The following WWP2 variants were observed in gnomAD, a reference collection of about 807,000 sequenced individuals.
The protein encoded by WWP2 is WW domain containing E3 ubiquitin protein ligase 2, also known as NEDD4-like E3 ubiquitin-protein ligase WWP2.
A neutral mutation model predicts 121.0 loss-of-function variants in WWP2; 57 were observed. That is an observed-to-expected ratio of 0.47 (90% CI 0.38 to 0.59). The LOEUF (loss-of-function observed/expected upper bound fraction) is 0.59, where lower values mean the gene tolerates loss of function less well. WWP2 is among the 20% of genes least tolerant of loss of function. The pLI is 0.00. For synonymous variants in WWP2, 449 were observed against 441.3 expected, an observed-to-expected ratio of 1.02 and a Z score of -0.22; for missense variants, 962 against 1,158.9, an observed-to-expected ratio of 0.83 and a Z score of 2.47.
At chr16:69,831,289 A>G (rs148704213) in intron 4 of WWP2, among the ~76,000 whole-genome samples, 252 of 152,326 alleles carry the variant, frequency 1.7e-3, no homozygotes, top group Admixed American at 4.6e-3. Context: ...TGACATGCAC[A>G]TACATTTCGG....
intron 1 of WWP2, among the ~76,000 whole-genome samples, chr16:69,767,031 G>GTT (rs201733788): frequency 4.7e-5 from 7 of 150,092 alleles, no homozygotes; most frequent in African/African-American, 1.5e-4. Context: ...TGGAATAGGG[G>GTT]TTTTGTTTTT....
intron 6 of WWP2, among the ~76,000 whole-genome samples, chr16:69,850,608 C>G (rs1019272229): frequency 6.6e-6 from 1 of 152,010 alleles, no homozygotes; most frequent in Non-Finnish European, 1.5e-5. Flanking sequence ...TTTGCCAGAC[C>G]GACGAAGTGG....
chr16:69,806,004 C>T lies in WWP2; in HGVS notation c.340+6709C>T, dbSNP rs2056267187. On this transcript the variant is annotated intron_variant, in intron 4 of 23. Transcript: ENST00000359154. ...TTGAGGCCAGTAGTTTGAGACCAGA[C>T]AGGGAAACATAGCAAGACCCTGTCT... Among the ~76,000 whole-genome samples the T allele has an allele frequency of 2.6e-5, 4 of 151,716 alleles. No homozygotes were observed. The South Asian group carries it at 8.4e-4, about 32-fold the overall frequency.
intron 6 of WWP2, among the ~76,000 whole-genome samples, chr16:69,867,135 C>G (rs530411742): frequency 1.1e-3 from 162 of 147,150 alleles, no homozygotes; most frequent in African/African-American, 3.8e-3. Flanking sequence ...TACACCTGGC[C>G]AAGGCTTTTT....
chr16:69,917,853 G>C lies in WWP2; in HGVS notation c.1149G>C (p.Met383Ile), dbSNP rs1157206656. The C allele has an allele frequency of 9.3e-6, 15 of 1,612,750 alleles. No homozygotes were observed. Among genetic ancestry groups the C allele is most frequent in the Non-Finnish European group, 1.3e-5 (15 of 1,178,758 alleles). The change falls in exon 10 of 24, where the codon ATG becomes ATC. Residue 383 changes from methionine (M) to isoleucine (I), a missense_variant. Met to Ile is a conservative substitution (Grantham distance 10). Coordinates refer to ENST00000359154, the MANE Select transcript of WWP2 (RefSeq NM_001270454.2). ...QSQRNQLQGA[M>I]QHFSQRFLYQ... is the part of the protein sequence containing the mutation. ...AGCGGAATCAGCTCCAGGGGGCCAT[G>C]CAGCACTTCAGCCAAAGATTCCTCT...
chr16:69,783,048 T>TC (rs1384116941), intron 1 of WWP2: 2 of 142,120 alleles, frequency 1.4e-5, no homozygotes, highest in African/African-American at 5.3e-5. Flanking sequence ...TCTCACTCTC[T>TC]CCCCCAGGCT....
chr16:69,931,413 T>A, intron 14 of WWP2, 96 bp from the exon 15 acceptor site: 1 of 1,553,512 alleles, frequency 6.4e-7, no homozygotes, highest in Non-Finnish European at 8.8e-7. Flanking sequence ...TATTGCCTCC[T>A]GGCCCAGCAG....
chr16:69,827,750 G>A (rs916009312), intron 4 of WWP2: 3 of 381,586 alleles, frequency 7.9e-6, no homozygotes, highest in African/African-American at 6.3e-5. Flanking sequence ...GCCAGGCAGG[G>A]CCTGGGCAGG....
At chr16:69,912,369 TCACACACACACACACACA>T (rs3051446) in intron 9 of WWP2, among the ~76,000 whole-genome samples, 4 of 140,192 alleles carry the variant, frequency 2.9e-5, no homozygotes, top group African/African-American at 8.0e-5. Flanking sequence ...GGAGTTAGAT[TCACACACACACACACACA>T]CACACACACA....
At chr16:69,826,267 CAA>C (rs71151139) in intron 4 of WWP2, among the ~76,000 whole-genome samples, 170 of 133,356 alleles carry the variant, frequency 1.3e-3, no homozygotes, top group Non-Finnish European at 1.3e-3. Flanking sequence ...AACTCCGTCT[CAA>C]AAAAAAAAAA....
chr16:69,913,249 T>C lies in WWP2; in HGVS notation c.1004+4399T>C, dbSNP rs537237134. ...GGTTTCACCATGTTGGCCAGGCTGG[T>C]CTCGAACTCCTGACATCAGGTGAGC... On this transcript the variant is annotated intron_variant, in intron 9 of 23. Coordinates refer to ENST00000359154, the MANE Select transcript of WWP2 (RefSeq NM_001270454.2). 3.8e-4 allele frequency among the ~76,000 whole-genome samples: 57 copies of C among 150,592 alleles called. 1 individual carries two copies. In the East Asian group the frequency reaches 0.01, roughly 26 times the overall value.
At chr16:69,912,059 G>A (rs1162246540) in intron 9 of WWP2, among the ~76,000 whole-genome samples, 1 of 152,114 alleles carries the variant, frequency 6.6e-6, no homozygotes, top group Non-Finnish European at 1.5e-5. Context: ...GGAGGCCGAG[G>A]CAGGTGGATC....
At chr16:69,821,107 A>G (rs957323985) in intron 4 of WWP2, among the ~76,000 whole-genome samples, 5 of 152,206 alleles carry the variant, frequency 3.3e-5, no homozygotes, top group Admixed American at 2.6e-4. Flanking sequence ...TTGGCACCAG[A>G]TGCCAGGCTT....
intron 23 of WWP2, 71 bp downstream of exon 23, chr16:69,939,484 G>A: frequency 6.6e-7 from 1 of 1,523,784 alleles, no homozygotes; most frequent in Non-Finnish European, 9.1e-7. Context: ...AGCCCAGTGG[G>A]TGTAGCAGCT....
intron 17 of WWP2, among the ~76,000 whole-genome samples, chr16:69,934,763 A>C (rs1276383682): frequency 2.0e-5 from 3 of 151,794 alleles, no homozygotes; most frequent in Admixed American, 2.0e-4. Context: ...GAAACTCTTC[A>C]GTACCTACAG....
At chr16:69,774,954 G>GC (rs893227066) in intron 1 of WWP2, 1 of 139,432 alleles carries the variant, frequency 7.2e-6, no homozygotes, top group African/African-American at 2.8e-5. Flanking sequence ...GGGTGACAGA[G>GC]CAAGACTGTC....
chr16:69,927,621 C>T (rs1040684590), intron 11 of WWP2, among the ~76,000 whole-genome samples: 1 of 152,210 alleles, frequency 6.6e-6, no homozygotes, highest in African/African-American at 2.4e-5. Context: ...GACAGATCCC[C>T]CTGGCCCTGT....
chr16:69,784,293 T>A (rs1026491760), intron 1 of WWP2, among the ~76,000 whole-genome samples: 1 of 152,024 alleles, frequency 6.6e-6, no homozygotes, highest in African/African-American at 2.4e-5. Flanking sequence ...AGAGACGAGG[T>A]TTCACCATGT....
chr16:69,855,541 C>G lies in WWP2; in HGVS notation c.575+13421C>G, dbSNP rs145027707. 5.5e-3 allele frequency among the ~76,000 whole-genome samples: 834 copies of G among 152,002 alleles called. 7 individuals are homozygous for G. Among genetic ancestry groups the G allele is most frequent in the Admixed American group, 0.014 (207 of 15,270 alleles). ...ACTTAAAAAATGAGTTTGATTCATGCGAAAAATATGTATAAATGTATCATA... is the reference window on the plus strand; with the variant it reads ...ACTTAAAAAATGAGTTTGATTCATGGGAAAAATATGTATAAATGTATCATA... On this transcript the variant is annotated intron_variant, in intron 6 of 23. Transcript: ENST00000359154.
Sources: gnomAD v4.1 joint callset for allele counts (sites outside exome capture counted in the v4.1 genomes callset) on GRCh38, gnomAD v4.1.1 for gene constraint, MANE v1.5 for transcripts, NCBI Gene and HGNC (gene_info 2026-07-23, HGNC 2026-07-21) for gene names.